The following TNC variants were observed in gnomAD, a reference collection of about 807,000 sequenced individuals.
TNC encodes tenascin C.
TNC carries 109 observed loss-of-function variants against 202.4 expected under a neutral mutation model. The ratio of observed to expected loss-of-function variants is 0.54; its 90% CI spans 0.46 to 0.63. TNC has a LOEUF of 0.63. TNC is among the 30% of genes least tolerant of loss of function. The pLI, the probability that TNC is intolerant of heterozygous loss-of-function variation, is 0.00. For synonymous variants in TNC, 1,007 were observed against 1,089.7 expected, an observed-to-expected ratio of 0.92 and a Z score of 1.50; for missense variants, 2,756 against 2,833.3, an observed-to-expected ratio of 0.97 and a Z score of 0.62.
intron 1 of TNC, among the ~76,000 whole-genome samples, chr9:115,101,876 G>A (rs1836264778): frequency 6.6e-6 from 1 of 152,140 alleles, no homozygotes; most frequent in Non-Finnish European, 1.5e-5. Context: ...AATAGTGGTT[G>A]AAAAGGCCTT....
chr9:115,095,660 GTA>G (rs200930103), intron 1 of TNC, among the ~76,000 whole-genome samples: 2 of 23,364 alleles, frequency 8.6e-5, no homozygotes, highest in Non-Finnish European at 1.7e-4. Flanking sequence ...GTATATATAT[GTA>G]TATATATATG....
Position 115,085,997 on chromosome 9 carries a change from G to A in TNC, c.1734C>T (p.Cys578=). The A allele has an allele frequency of 1.2e-6, 2 of 1,613,884 alleles. No individual in the cohort carries two copies. Among genetic ancestry groups the A allele is most frequent in the African/African-American group, 2.7e-5 (2 of 75,074 alleles). The change falls in exon 3 of 28, where the codon TGC becomes TGT. Residue 578 remains cysteine (C), a synonymous_variant. Coordinates refer to ENST00000350763, the MANE Select transcript of TNC (RefSeq NM_002160.4). ...HGQGRCVDGQ[C]ICHEGFTGLD... ...GGCCTGTGAAGCCCTCGTGGCAGAT[G>A]CACTGGCCGTCCACGCAGCGGCCCT...
At chr9:115,085,809 C>A in intron 3 of TNC, 55 bp downstream of exon 3, 1 of 1,500,772 alleles carries the variant, frequency 6.7e-7, no homozygotes, top group South Asian at 1.3e-5. Flanking sequence ...CCAACCCATA[C>A]TAGGAGTCCA....
chr9:115,027,493 G>A (rs1403344795), intron 25 of TNC, among the ~76,000 whole-genome samples: 1 of 152,016 alleles, frequency 6.6e-6, no homozygotes, highest in Non-Finnish European at 1.5e-5. Flanking sequence ...GGGGGGCTGA[G>A]GCAGGCGAAT....
chr9:115,050,934 C>T (rs1326891091), intron 15 of TNC, among the ~76,000 whole-genome samples: 1 of 152,160 alleles, frequency 6.6e-6, no homozygotes, highest in Non-Finnish European at 1.5e-5. Flanking sequence ...AATCCTCACT[C>T]TTCCAGGACA....
At chr9:115,058,494 C>T (rs1249073633) in intron 14 of TNC, among the ~76,000 whole-genome samples, 1 of 152,182 alleles carries the variant, frequency 6.6e-6, no homozygotes, top group Admixed American at 6.5e-5. Context: ...GATTACTTTG[C>T]CTTCTGGGAA....
At chr9:115,056,581 A>G (rs769312511) in intron 15 of TNC, among the ~76,000 whole-genome samples, 4 of 152,196 alleles carry the variant, frequency 2.6e-5, no homozygotes, top group Non-Finnish European at 4.4e-5. Flanking sequence ...CTGATCTTCT[A>G]GAGGTGGTGT....
At chr9:115,093,166 C>G (rs1835362532) in intron 1 of TNC, among the ~76,000 whole-genome samples, 1 of 152,056 alleles carries the variant, frequency 6.6e-6, no homozygotes, top group African/African-American at 2.4e-5. Flanking sequence ...GGGAAGCATT[C>G]TATATGACTG....
chr9:115,097,668 G>T (rs76943310), intron 1 of TNC, among the ~76,000 whole-genome samples: 2,948 of 152,254 alleles, frequency 0.019, 99 homozygotes, highest in African/African-American at 0.068. Context: ...ATGAGAAAAG[G>T]CAAAGAAGTT....
intron 1 of TNC, among the ~76,000 whole-genome samples, chr9:115,112,079 TC>T (rs1837115949): frequency 6.6e-6 from 1 of 152,186 alleles, no homozygotes; most frequent in Non-Finnish European, 1.5e-5. Context: ...ATACTAGTCA[TC>T]CTTGGCTCGG....
chr9:115,049,935 G>A (rs1831520914), intron 15 of TNC, among the ~76,000 whole-genome samples: 1 of 152,130 alleles, frequency 6.6e-6, no homozygotes, highest in Admixed American at 6.5e-5. Flanking sequence ...GCTGTGGCTT[G>A]GACTTCCTGT....
At chr9:115,087,846 C>G (rs375831050) in intron 2 of TNC, among the ~76,000 whole-genome samples, 3 of 151,810 alleles carry the variant, frequency 2.0e-5, no homozygotes, top group Non-Finnish European at 4.4e-5. Flanking sequence ...GGACTCCAGG[C>G]GCCCGCCACC....
chr9:115,108,935 T>C (rs993865554), intron 1 of TNC, among the ~76,000 whole-genome samples: 2 of 152,236 alleles, frequency 1.3e-5, no homozygotes, highest in East Asian at 3.8e-4. Flanking sequence ...TATGGTATTT[T>C]GTTGTAGCAG....
intron 6 of TNC, among the ~76,000 whole-genome samples, chr9:115,079,284 A>C (rs1002283503): frequency 1.3e-5 from 2 of 151,862 alleles, no homozygotes; most frequent in African/African-American, 4.8e-5. Flanking sequence ...AACAAGTGAC[A>C]GGAAGTGGGC....
In TNC at chr9:115,084,224, C is replaced by T. The variant is rs201625385; in HGVS notation, c.2116G>A (p.Ala706Thr). The stretch of plus-strand genomic sequence containing the variant: ...GCTCACTCACACGTGGCCACCCTGG[C>T]GCTGACAGGAATGCTCTTCTTGTTC... Reference protein sequence around the residue: ...LENKKSIPVSARVATYLPAPE... With the variant: ...LENKKSIPVSTRVATYLPAPE... Residue 706 changes from alanine to threonine, a missense_variant, in exon 4 of 28, where the codon GCC (alanine) becomes ACC (threonine). Physicochemically the swap from Ala to Thr is moderately conservative, Grantham distance 58 (BLOSUM62 0). This residue lies in a region of TNC where 2,559 missense variants were observed against 2,546.0 expected (regional missense o/e 1.01). Coordinates refer to ENST00000350763, the MANE Select transcript of TNC (RefSeq NM_002160.4). The T allele has an allele frequency of 5.3e-5, 85 of 1,613,820 alleles. No homozygotes were observed. The highest frequency in any genetic ancestry group is 6.5e-5 in the Non-Finnish European group (77 of 1,179,924).
intron 10 of TNC, among the ~76,000 whole-genome samples, chr9:115,067,169 A>G (rs184570416): frequency 6.6e-6 from 1 of 152,344 alleles, no homozygotes. Context: ...AGTTCCCTGG[A>G]TATAGTGATT....
Position 115,030,412 on chromosome 9 carries a change from A to T in TNC, c.5921-7T>A. 3 of 1,610,294 alleles carry T rather than the reference A, an allele frequency of 1.9e-6. No homozygotes were observed. Among genetic ancestry groups the T allele is most frequent in the Non-Finnish European group, 2.5e-6 (3 of 1,177,344 alleles). On this transcript the variant is annotated splice_polypyrimidine_tract_variant and splice_region_variant and intron_variant, in intron 23 of 27. Coordinates refer to ENST00000350763, the MANE Select transcript of TNC (RefSeq NM_002160.4). ...AAGGGGTACAGGAGTCCAACTGTGG[A>T]ATAAGGAGAAATGGTGATGCTCTCA...
Position 115,030,309 on chromosome 9 carries a change from T to G in TNC, c.6017A>C (p.Lys2006Thr). The G allele has an allele frequency of 6.2e-7, 1 of 1,613,918 alleles. No homozygotes were observed. The highest frequency in any genetic ancestry group is 8.5e-7 in the Non-Finnish European group (1 of 1,179,808). The change falls in exon 24 of 28, where the codon AAG becomes ACG. Residue 2006 changes from lysine (K) to threonine (T), a missense_variant. By Grantham distance (78) the Lys-to-Thr change is moderately conservative. This residue lies in a region of TNC where 197 missense variants were observed against 287.3 expected (regional missense o/e 0.69). Coordinates refer to ENST00000350763, the MANE Select transcript of TNC (RefSeq NM_002160.4). ...GLYTIYLNGD[K>T]AEALEVFCDM... is the part of the protein sequence containing the mutation. ...ACAGAAGACTTCCAGCGCCTCAGCC[T>G]TATCACCATTCAGATAAATGGTGTA...
At chr9:115,073,359 AG>A (rs1419052043) in intron 10 of TNC, among the ~76,000 whole-genome samples, 1 of 152,238 alleles carries the variant, frequency 6.6e-6, no homozygotes, top group African/African-American at 2.4e-5. Flanking sequence ...TGATGTTTAA[AG>A]TTCTCCTAGG....
Sources: allele counts gnomAD v4.1 joint callset (sites outside exome capture counted in the v4.1 genomes callset), GRCh38; gene constraint gnomAD v4.1.1; regional missense constraint gnomAD v4.1.1; transcripts MANE v1.5; gene names NCBI Gene and HGNC (gene_info 2026-07-23, HGNC 2026-07-21).